The following FMN1 variants were observed in gnomAD, a reference collection of about 807,000 sequenced individuals.
FMN1 encodes the protein formin 1, also known as formin-1.
A neutral mutation model predicts 132.4 loss-of-function variants in FMN1; 110 were observed. The observed-to-expected ratio is 0.83, with a 90% confidence interval of 0.71 to 0.97. The LOEUF (loss-of-function observed/expected upper bound fraction) is 0.97, where lower values mean the gene tolerates loss of function less well. Among genes scored for constraint, FMN1 ranks in the 50% least tolerant of loss-of-function variants. The pLI is 0.00. For synonymous variants in FMN1, 722 were observed against 651.7 expected, an observed-to-expected ratio of 1.11 and a Z score of -1.64; for missense variants, 1,792 against 1,705.3, an observed-to-expected ratio of 1.05 and a Z score of -0.90.
At chr15:33,147,254 C>T (rs1046277214) in intron 4 of FMN1, among the ~76,000 whole-genome samples, 1 of 151,964 alleles carries the variant, frequency 6.6e-6, no homozygotes, top group South Asian at 2.1e-4. Context: ...ACTTGTAATC[C>T]AATTACAACC....
chr15:32,971,247 TTGCTAA>T (rs1301855317), intron 7 of FMN1, among the ~76,000 whole-genome samples: 3 of 152,254 alleles, frequency 2.0e-5, no homozygotes, highest in African/African-American at 4.8e-5. Context: ...TTAGTTTCTG[TTGCTAA>T]TGCTAATGCT....
chr15:32,790,093 G>A (rs966041802), intron 19 of FMN1, among the ~76,000 whole-genome samples: 2 of 152,196 alleles, frequency 1.3e-5, no homozygotes, highest in Non-Finnish European at 2.9e-5. Flanking sequence ...TTATAGGAAT[G>A]TGCAAATACA....
chr15:32,802,872 C>G (rs1218275730), intron 18 of FMN1, among the ~76,000 whole-genome samples: 1 of 152,162 alleles, frequency 6.6e-6, no homozygotes, highest in Non-Finnish European at 1.5e-5. Context: ...TAGAGAGACA[C>G]AAACTCCTAA....
intron 4 of FMN1, among the ~76,000 whole-genome samples, chr15:33,139,124 T>C (rs11635767): frequency 0.44 from 67,519 of 152,028 alleles, 16,267 homozygotes; most frequent in South Asian, 0.55. Flanking sequence ...TTTAATGTAT[T>C]TTCGAGAACT....
chr15:32,934,919 T>C (rs1370456343), intron 9 of FMN1, among the ~76,000 whole-genome samples: 1 of 148,492 alleles, frequency 6.7e-6, no homozygotes, highest in Non-Finnish European at 1.5e-5. Flanking sequence ...AAGACAATTT[T>C]TCTTTTTCTT....
Position 33,191,761 on chromosome 15 carries a change from C to T in FMN1, c.-197+2148G>A, listed in dbSNP as rs574978901. On this transcript the variant is annotated intron_variant, in intron 2 of 20. Transcript: ENST00000616417. ...TTGATGCTTTGTCAGCACTTCAGCA[C>T]AGACACTAAATACAGAGATGCTTCA... Among the ~76,000 whole-genome samples, 4 of 152,312 alleles carry T rather than the reference C, an allele frequency of 2.6e-5. No individual in the cohort carries two copies. The South Asian group carries it at 8.3e-4, about 32-fold the overall frequency.
intron 4 of FMN1, among the ~76,000 whole-genome samples, chr15:33,137,131 C>A (rs75556984): frequency 3.5e-4 from 52 of 149,806 alleles, no homozygotes; most frequent in Non-Finnish European, 1.5e-5. Flanking sequence ...AAAACATACC[C>A]TCCCCAAACA....
At chr15:33,056,865 T>A (rs1240529013) in intron 6 of FMN1, among the ~76,000 whole-genome samples, 1 of 152,084 alleles carries the variant, frequency 6.6e-6, no homozygotes, top group African/African-American at 2.4e-5. Context: ...ATGAGTTAAT[T>A]TATATTAAGT....
At chr15:32,896,846 G>A (rs2060171018) in intron 15 of FMN1, among the ~76,000 whole-genome samples, 1 of 152,132 alleles carries the variant, frequency 6.6e-6, no homozygotes, top group Non-Finnish European at 1.5e-5. Context: ...AAATCTTAGC[G>A]ATTGTGAACA....
chr15:32,850,340 G>A (rs917910070), intron 17 of FMN1, among the ~76,000 whole-genome samples: 1 of 151,656 alleles, frequency 6.6e-6, no homozygotes, highest in Admixed American at 6.6e-5. Flanking sequence ...TTGCAACTTA[G>A]AGATTTAAGT....
At position 32,772,102 on chromosome 15, in the gene FMN1, TTA is replaced by T. The variant is rs1476184934; in HGVS notation, c.*2206_*2207del. On this transcript the variant is annotated 3_prime_UTR_variant, in exon 21 of 21. Coordinates refer to ENST00000616417, the MANE Select transcript of FMN1 (RefSeq NM_001277313.2). ...GAAATAGGTATTTTACTGCAAAGTT[TTA>T]GTCTGTTCACTAGGATGAAATCCAA... 7 of 152,224 alleles carry T rather than the reference TTA, an allele frequency of 4.6e-5. No individual in the cohort carries two copies. Among genetic ancestry groups the T allele is most frequent in the African/African-American group, 1.7e-4 (7 of 41,462 alleles). The allele number at this position is 152,224 out of a possible 1,614,324, so 9.4% of individuals were successfully genotyped here.
At chr15:33,100,164 G>C (rs765048176) in intron 4 of FMN1, among the ~76,000 whole-genome samples, 4 of 142,872 alleles carry the variant, frequency 2.8e-5, no homozygotes, top group Non-Finnish European at 6.0e-5. Context: ...CTAACGAAAT[G>C]AATCTTTTTG....
chr15:32,873,829 G>A, intron 16 of FMN1, among the ~76,000 whole-genome samples: 1 of 152,098 alleles, frequency 6.6e-6, no homozygotes, highest in East Asian at 1.9e-4. Flanking sequence ...GCCCCTCCAA[G>A]CTATCTCCTG....
At chr15:32,776,196 G>A (rs376780671) in intron 20 of FMN1, among the ~76,000 whole-genome samples, 5 of 152,258 alleles carry the variant, frequency 3.3e-5, no homozygotes, top group African/African-American at 9.6e-5. Flanking sequence ...TTTCATTCTC[G>A]GCATCCTGGG....
At chr15:32,931,993 C>A (rs932429332) in intron 9 of FMN1, among the ~76,000 whole-genome samples, 9 of 151,972 alleles carry the variant, frequency 5.9e-5, no homozygotes, top group African/African-American at 2.2e-4. Context: ...ATCATTTGTT[C>A]TTTTAATGTA....
Position 32,985,272 on chromosome 15 carries a change from C to T in FMN1, c.2224-15795G>A, listed in dbSNP as rs1364708672. ...AACTCTGCACAGCTTATCTTGAGAACAGCCTCTTGGATTCTCTGATAGTAC... is the reference window on the plus strand; with the variant it reads ...AACTCTGCACAGCTTATCTTGAGAATAGCCTCTTGGATTCTCTGATAGTAC... On this transcript the variant is annotated intron_variant, in intron 7 of 20. Transcript: ENST00000616417. 2.6e-5 allele frequency among the ~76,000 whole-genome samples: 4 copies of T among 152,152 alleles called. No homozygotes were observed. In the East Asian group the frequency reaches 5.8e-4, roughly 22 times the overall value.
At chr15:33,178,304 C>A (rs1279068810) in intron 3 of FMN1, among the ~76,000 whole-genome samples, 1 of 152,176 alleles carries the variant, frequency 6.6e-6, no homozygotes, top group Non-Finnish European at 1.5e-5. Flanking sequence ...GCTATTTGCA[C>A]TTAACATGTA....
At chr15:33,084,352 C>T (rs2038607121) in intron 5 of FMN1, among the ~76,000 whole-genome samples, 1 of 152,120 alleles carries the variant, frequency 6.6e-6, no homozygotes, top group South Asian at 2.1e-4. Flanking sequence ...AATTACTGAA[C>T]CCGAAGAGGG....
At position 32,949,952 on chromosome 15, in the gene FMN1, T is replaced by TATATATATATACACAC. The variant is rs2061591964; in HGVS notation, c.3138+14154_3138+14155insGTGTGTATATATATAT. Among the ~76,000 whole-genome samples, 3 of 50,510 alleles carry TATATATATATACACAC rather than the reference T, an allele frequency of 5.9e-5. 1 individual carries two copies. Among genetic ancestry groups the TATATATATATACACAC allele is most frequent in the African/African-American group, 3.6e-4 (3 of 8,240 alleles). The allele number at this position is 50,510 out of a possible 152,430, so 33.1% of individuals were successfully genotyped here. ...TGAGGCCAAAAAGCATATATATATA[T>TATATATATATACACAC]ATATATATATATACACACATATATA... On this transcript the variant is annotated intron_variant, in intron 9 of 20. Transcript: ENST00000616417.
Sources: allele counts gnomAD v4.1 joint callset (sites outside exome capture counted in the v4.1 genomes callset), GRCh38; gene constraint gnomAD v4.1.1; transcripts MANE v1.5; gene names NCBI Gene and HGNC (gene_info 2026-07-23, HGNC 2026-07-21).